Variants in BRF1 observed in about 807,000 individuals in gnomAD.
The protein encoded by BRF1 is BRF1 general transcription factor IIIB subunit, also known as transcription factor IIIB 90 kDa subunit.
In BRF1, 59 loss-of-function variants were observed where a neutral mutation model predicts 81.7. The observed-to-expected ratio is 0.72, with a 90% CI of 0.59 to 0.90. The LOEUF is 0.90. BRF1 is among the 40% of genes least tolerant of loss of function. The pLI, the probability that BRF1 is intolerant of heterozygous loss-of-function variation, is 0.00. For missense variants in BRF1, 1,050 were observed against 936.3 expected, an observed-to-expected ratio of 1.12 and a Z score of -1.58; for synonymous variants, 491 against 395.6, an observed-to-expected ratio of 1.24 and a Z score of -2.86.
intron 12 of BRF1, chr14:105,219,844 G>C: frequency 1.7e-6 from 1 of 588,210 alleles, no homozygotes. Flanking sequence ...AGGACCAGGC[G>C]CAAAGCCAGG....
intron 2 of BRF1, among the ~76,000 whole-genome samples, chr14:105,282,802 G>A (rs953859791): frequency 3.9e-5 from 6 of 152,044 alleles, no homozygotes; most frequent in Non-Finnish European, 7.4e-5. Context: ...GCGTGATGGT[G>A]GGCACTTGTA....
intron 5 of BRF1, chr14:105,248,039 AC>A (rs1424015905): frequency 1.0e-6 from 1 of 985,160 alleles, no homozygotes; most frequent in Non-Finnish European, 1.2e-6. Flanking sequence ...TGACTTGCCC[AC>A]CCGCCGGCTG....
chr14:105,262,048 A>G (rs2056184827), intron 3 of BRF1, among the ~76,000 whole-genome samples: 1 of 152,186 alleles, frequency 6.6e-6, no homozygotes, highest in Non-Finnish European at 1.5e-5. Flanking sequence ...CAACCCACCA[A>G]GGGCAAGGCC....
In BRF1 at chr14:105,289,658, C is replaced by T. The variant is rs767534113; in HGVS notation, c.185-3282G>A. 5.9e-5 allele frequency among the ~76,000 whole-genome samples: 9 copies of T among 152,016 alleles called. 1 individual carries two copies. The highest frequency in any genetic ancestry group is 1.3e-4 in the Admixed American group (2 of 15,282). Reference sequence around the variant, plus strand: ...GTGTGTATTCTTTTTTTTTTTGAGACGGAGTCTCGCTCTATCGCCCAGGCT... The same window carrying T: ...GTGTGTATTCTTTTTTTTTTTGAGATGGAGTCTCGCTCTATCGCCCAGGCT... On this transcript the variant is annotated intron_variant, in intron 1 of 17. Coordinates refer to ENST00000547530, the MANE Select transcript of BRF1 (RefSeq NM_001519.4).
intron 1 of BRF1, among the ~76,000 whole-genome samples, chr14:105,286,614 T>C (rs587680170): frequency 1.3e-5 from 2 of 150,704 alleles, no homozygotes; most frequent in East Asian, 3.9e-4. Flanking sequence ...CGCATTTTCT[T>C]TTTTTTTTTG....
chr14:105,226,448 A>T (rs1411672090), intron 8 of BRF1, among the ~76,000 whole-genome samples, 158 bp from the exon 9 acceptor site: 1 of 152,208 alleles, frequency 6.6e-6, no homozygotes, highest in African/African-American at 2.4e-5. Context: ...CCATGGGAAG[A>T]GGTGGCACTT....
intron 7 of BRF1, 113 bp downstream of exon 7, chr14:105,228,707 C>T (rs1158496672): frequency 5.6e-6 from 7 of 1,241,224 alleles, no homozygotes; most frequent in Admixed American, 1.8e-5. Context: ...TGGCCAGCAG[C>T]CAGGCGGGGG....
chr14:105,242,006 C>T (rs2816650), intron 5 of BRF1: 35,252 of 155,290 alleles, frequency 0.23, 4,342 homozygotes, highest in Non-Finnish European at 0.27. Context: ...GGGCCCTGAG[C>T]GACTGCATGG....
chr14:105,283,284 C>A (rs976692099), intron 2 of BRF1, among the ~76,000 whole-genome samples: 1 of 152,112 alleles, frequency 6.6e-6, no homozygotes, highest in Non-Finnish European at 1.5e-5. Flanking sequence ...CAGGCAGGAG[C>A]GGTGCCTGGC....
chr14:105,252,656 C>T, intron 4 of BRF1, 77 bp from the exon 5 acceptor site: 2 of 1,477,960 alleles, frequency 1.4e-6, no homozygotes, highest in Admixed American at 2.0e-5. Flanking sequence ...TAAAATGCAT[C>T]TCTTGTGCAG....
intron 1 of BRF1, among the ~76,000 whole-genome samples, chr14:105,298,553 A>G (rs1595494745): frequency 1.3e-5 from 2 of 152,230 alleles, no homozygotes; most frequent in East Asian, 1.9e-4. Flanking sequence ...TATACAAAAC[A>G]TAGATGGACC....
At chr14:105,245,624 G>T (rs2055039163) in intron 5 of BRF1, among the ~76,000 whole-genome samples, 1 of 152,122 alleles carries the variant, frequency 6.6e-6, no homozygotes, top group Non-Finnish European at 1.5e-5. Context: ...AAATGACAAT[G>T]ACAGACAGAT....
chr14:105,308,109 G>A (rs987694169), intron 1 of BRF1, among the ~76,000 whole-genome samples: 1 of 152,146 alleles, frequency 6.6e-6, no homozygotes, highest in Non-Finnish European at 1.5e-5. Context: ...CTTGAACCCA[G>A]GTGACTGAGG....
At chr14:105,260,662 C>G (rs116038990) in intron 3 of BRF1, among the ~76,000 whole-genome samples, 1,542 of 152,270 alleles carry the variant, frequency 0.01, 31 homozygotes, top group African/African-American at 0.035. Context: ...AGACATAAGC[C>G]ACCAAGCTCC....
Position 105,217,686 on chromosome 14 carries a change from G to A in BRF1, c.1630C>T (p.Arg544Trp). Residue 544 changes from arginine (R) to tryptophan (W), a missense_variant, in exon 15 of 18, where the codon CGG becomes TGG. Arg to Trp is a moderately radical substitution (Grantham distance 101). Around this residue, in one of 2 missense-constraint regions of BRF1, gnomAD observed 1,043 missense variants for 915.4 expected, o/e 1.14. Coordinates refer to ENST00000547530, the MANE Select transcript of BRF1 (RefSeq NM_001519.4). ...ISSKINYSVL[R>W]GLSSAGGGSP... is the part of the protein sequence containing the mutation. ...CCCCCGCCGGCGCTGCTGAGGCCCC[G>A]GAGCACGCTATAATTGATCTTGCTG... is the stretch of plus-strand genomic sequence containing the variant. 2 of 1,613,358 alleles carry A rather than the reference G, an allele frequency of 1.2e-6. No individual in the cohort carries two copies. The highest frequency in any genetic ancestry group is 1.7e-6 in the Non-Finnish European group (2 of 1,180,022).
upstream of BRF1, among the ~76,000 whole-genome samples, chr14:105,304,639 GT>G (rs140032281): frequency 0.024 from 3,644 of 152,360 alleles, 74 homozygotes; most frequent in South Asian, 0.05. Context: ...GTATCAGTCT[GT>G]TTTCACACTG....
chr14:105,214,924 G>T (rs1274608409), intron 15 of BRF1, among the ~76,000 whole-genome samples: 1 of 152,180 alleles, frequency 6.6e-6, no homozygotes, highest in Non-Finnish European at 1.5e-5. Context: ...GGGCTGCAAG[G>T]GCAACCGGGA....
Position 105,300,541 on chromosome 14 carries a change from G to A in BRF1, c.89C>T (p.Ser30Leu). The change falls in exon 1 of 18, where the codon TCA becomes TTA. Residue 30 changes from serine (S) to leucine (L), a missense_variant. Coordinates refer to ENST00000547530, the MANE Select transcript of BRF1 (RefSeq NM_001519.4). ...RGDAVCTACG[S>L]VLEDNIIVSE... ...CACGATGATGTTGTCCTCCAGCACT[G>A]AGCCGCAGGCGGTGCACACCGCGTC... 6.5e-7 allele frequency: 1 copy of A among 1,527,122 alleles called. No individual in the cohort carries two copies. The highest frequency in any genetic ancestry group is 8.8e-7 in the Non-Finnish European group (1 of 1,140,662). The allele number at this position is 1,527,122 out of a possible 1,614,324, so 94.6% of individuals were successfully genotyped here.
intron 3 of BRF1, among the ~76,000 whole-genome samples, chr14:105,267,796 G>A (rs1196321057): frequency 2.0e-5 from 3 of 152,318 alleles, no homozygotes; most frequent in South Asian, 2.1e-4. Context: ...CAGAACAGGG[G>A]GGCAGAGAAG....
Sources: gnomAD v4.1 joint callset for allele counts (sites outside exome capture counted in the v4.1 genomes callset) on GRCh38, gnomAD v4.1.1 for gene constraint, gnomAD v4.1.1 regional missense constraint, MANE v1.5 for transcripts, NCBI Gene and HGNC (gene_info 2026-07-23, HGNC 2026-07-21) for gene names.